Variants in HIF3A observed in about 807,000 individuals in gnomAD.
HIF3A encodes hypoxia-inducible factor 3-alpha.
A neutral mutation model predicts 67.2 loss-of-function variants in HIF3A; 41 were observed. The observed-to-expected ratio is 0.61, with a 90% CI of 0.48 to 0.79. The LOEUF is 0.79. Among genes scored for constraint, HIF3A ranks in the 30% least tolerant of loss-of-function variants. The pLI is 0.00. For missense variants in HIF3A, 855 were observed against 898.0 expected (o/e 0.95, Z 0.61); for synonymous variants, 356 against 374.8 (o/e 0.95, Z 0.58).
chr19:46,303,787 G>A, intron 1 of HIF3A, 111 bp from the exon 2 acceptor site: 1 of 1,496,914 alleles, frequency 6.7e-7, no homozygotes, highest in Non-Finnish European at 9.1e-7. Context: ...GCGCAGCCGC[G>A]GCCCAGCACT....
intron 6 of HIF3A, 62 bp downstream of exon 6, chr19:46,309,421 A>G: frequency 9.8e-7 from 1 of 1,017,802 alleles, no homozygotes; most frequent in Non-Finnish European, 1.4e-6. Context: ...CCCCACCTCC[A>G]CACTCCCGCA....
chr19:46,304,885 C>G (rs1328424251), intron 2 of HIF3A, among the ~76,000 whole-genome samples: 1 of 152,072 alleles, frequency 6.6e-6, no homozygotes, highest in African/African-American at 2.4e-5. Flanking sequence ...CCCCTCATCT[C>G]TATATTACAA....
In HIF3A at chr19:46,331,306, C is replaced by T. The variant is rs1971197382; in HGVS notation, c.1830+33C>T. 2.6e-6 allele frequency: 4 copies of T among 1,542,938 alleles called. No homozygotes were observed. In the African/African-American group the frequency reaches 4.1e-5, roughly 16 times the overall value. On this transcript the variant is annotated intron_variant, in intron 13 of 14. Coordinates refer to ENST00000377670, the MANE Select transcript of HIF3A (RefSeq NM_152795.4). ...GGGGGATTAATGGGATTCTCTGGCC[C>T]TCATTACCTAGCTGGCTTAAACCTA... is the stretch of plus-strand genomic sequence containing the variant.
intron 14 of HIF3A, among the ~76,000 whole-genome samples, chr19:46,337,898 G>A (rs765024555): frequency 6.6e-6 from 1 of 152,206 alleles, no homozygotes; most frequent in Non-Finnish European, 1.5e-5. Flanking sequence ...TTGGGTATGA[G>A]ACCTTCAAGG....
intron 7 of HIF3A, 101 bp from the exon 8 acceptor site, chr19:46,312,405 G>A (rs1455155164): frequency 3.6e-5 from 58 of 1,608,008 alleles, no homozygotes; most frequent in Non-Finnish European, 4.8e-5. Context: ...CAAGCCCCAA[G>A]GAACTGTCTC....
chr19:46,331,381 A>T, intron 13 of HIF3A, 108 bp downstream of exon 13: 1 of 835,592 alleles, frequency 1.2e-6, no homozygotes, highest in Non-Finnish European at 2.0e-6. Flanking sequence ...GTTGAGGGTC[A>T]TACAGAAAGT....
chr19:46,300,304 T>TA (rs1434157847), intron 1 of HIF3A, among the ~76,000 whole-genome samples: 2 of 152,184 alleles, frequency 1.3e-5, no homozygotes, highest in Non-Finnish European at 1.5e-5. Flanking sequence ...CAGGTTACTG[T>TA]AAAGCCCAAG....
chr19:46,313,664 ATT>A (rs34143893), intron 8 of HIF3A, among the ~76,000 whole-genome samples: 1 of 130,598 alleles, frequency 7.7e-6, no homozygotes. Context: ...AATTACCACG[ATT>A]TTTTTTTTTT....
chr19:46,329,171 A>C lies in HIF3A; in HGVS notation c.1441-36A>C. The C allele has an allele frequency of 2.6e-6, 4 of 1,553,606 alleles. 1 individual carries two copies. The South Asian group carries it at 4.9e-5, about 19-fold the overall frequency. ...TTCAGCCAAGGTCCACCCAAGTCCA[A>C]GGCTCATCCTCTTACCTCCCTCCTG... On this transcript the variant is annotated intron_variant, in intron 11 of 14. Transcript: ENST00000377670.
chr19:46,331,819 C>T (rs1971248992), intron 13 of HIF3A, among the ~76,000 whole-genome samples: 1 of 135,166 alleles, frequency 7.4e-6, no homozygotes. Flanking sequence ...CGTGCCACTG[C>T]AGTCCAGTCT....
intron 2 of HIF3A, among the ~76,000 whole-genome samples, chr19:46,304,719 G>T (rs531543606): frequency 6.6e-6 from 1 of 152,148 alleles, no homozygotes; most frequent in Non-Finnish European, 1.5e-5. Flanking sequence ...TTCTCTGGGA[G>T]GCTCTGTCCA....
intron 14 of HIF3A, among the ~76,000 whole-genome samples, chr19:46,338,897 G>T (rs530637319): frequency 6.6e-6 from 1 of 152,292 alleles, no homozygotes; most frequent in East Asian, 1.9e-4. Context: ...ATCCAGACAG[G>T]CTTGCCTCAC....
chr19:46,331,121 G>A lies in HIF3A; in HGVS notation c.1713-35G>A, dbSNP rs116502170. ...CTGTTATCCACACTTGCCCAGGTTT[G>A]CTGTGTCCTGAGATTCTTGCCTGTT... is the stretch of plus-strand genomic sequence containing the variant. On this transcript the variant is annotated intron_variant, in intron 12 of 14. Coordinates refer to ENST00000377670, the MANE Select transcript of HIF3A (RefSeq NM_152795.4). 3.0e-4 allele frequency: 462 copies of A among 1,552,730 alleles called. 1 individual carries two copies. In the African/African-American group the frequency reaches 5.3e-3, roughly 18 times the overall value.
chr19:46,333,012 ATATATATATGTATATATGTGTG>A (rs1200078103), intron 13 of HIF3A, among the ~76,000 whole-genome samples: 1 of 150,858 alleles, frequency 6.6e-6, no homozygotes, highest in Admixed American at 6.6e-5. Flanking sequence ...CTCTCTCTAT[ATATATATATGTATATATGTGTG>A]TATATATATG....
intron 6 of HIF3A, 40 bp from the exon 7 acceptor site, chr19:46,312,121 A>G: frequency 1.4e-6 from 2 of 1,463,274 alleles, no homozygotes; most frequent in South Asian, 1.1e-5. Context: ...TCTCTCACCC[A>G]GTAGCATCCT....
intron 11 of HIF3A, among the ~76,000 whole-genome samples, chr19:46,327,106 GA>G (rs1194383855): frequency 6.6e-6 from 1 of 152,044 alleles, no homozygotes; most frequent in African/African-American, 2.4e-5. Flanking sequence ...AGTGAGCCGA[GA>G]TTGTGCCACT....
Position 46,297,129 on chromosome 19 carries a change from T to C in HIF3A, c.26+27T>C. ...TACTGAAGTTCGGGGGCAGGAGTTC[T>C]GGGAATTGGGGGGCTCTCCTCCTGG... On this transcript the variant is annotated intron_variant, in intron 1 of 14. Coordinates refer to ENST00000377670, the MANE Select transcript of HIF3A (RefSeq NM_152795.4). This position sits in a 1 kb window ranked among gnomAD's most constrained non-coding sequence, Gnocchi z 4.5. 1.0e-6 allele frequency: 1 copy of C among 978,702 alleles called. No individual in the cohort carries two copies. The highest frequency in any genetic ancestry group is 3.8e-5 in the South Asian group (1 of 26,352). 60.6% of individuals were successfully genotyped at this position (978,702 alleles called of 1,614,324 possible).
chr19:46,302,145 T>C (rs1389689767), intron 1 of HIF3A, among the ~76,000 whole-genome samples: 1 of 152,190 alleles, frequency 6.6e-6, no homozygotes. Context: ...ATTTGTTTGT[T>C]TTGAGACGGA....
chr19:46,303,973 G>C lies in HIF3A; in HGVS notation c.102G>C (p.Leu34=), dbSNP rs1478112815. The change falls in exon 2 of 15, where the codon CTG becomes CTC. Residue 34 remains leucine, a synonymous_variant. Coordinates refer to ENST00000377670, the MANE Select transcript of HIF3A (RefSeq NM_152795.4). Reference sequence around the variant, plus strand: ...GGCGCAGCCAGGAGACCGAGGTGCTGTACCAGCTGGCTCACACGCTGCCCT... The same window carrying C: ...GGCGCAGCCAGGAGACCGAGGTGCTCTACCAGCTGGCTCACACGCTGCCCT... ...RSRRSQETEV[L]YQLAHTLPFA... The C allele has an allele frequency of 6.2e-7, 1 of 1,603,762 alleles. No homozygotes were observed. Among genetic ancestry groups the C allele is most frequent in the Non-Finnish European group, 8.5e-7 (1 of 1,175,882 alleles).
Sources: gnomAD v4.1 joint callset for allele counts (sites outside exome capture counted in the v4.1 genomes callset) on GRCh38, gnomAD v4.1.1 for gene constraint, Gnocchi (gnomAD v3.1) non-coding constraint, MANE v1.5 for transcripts, NCBI Gene and HGNC (gene_info 2026-07-23, HGNC 2026-07-21) for gene names.